MDFI: variants seen among roughly 807,000 people sequenced by gnomAD.
MDFI encodes MyoD family inhibitor, also known as inhibitor of MyoD family a.
In MDFI, 16 loss-of-function variants were observed where a neutral mutation model predicts 22.3. The observed-to-expected ratio is 0.72, with a 90% CI of 0.49 to 1.09. MDFI has a LOEUF of 1.09. Ranked by LOEUF, MDFI falls within the 50% of genes least tolerant of loss-of-function variation. MDFI has a pLI of 0.00. For synonymous variants in MDFI, 145 were observed against 142.7 expected, an observed-to-expected ratio of 1.02 and a Z score of -0.12; for missense variants, 314 against 326.1, an observed-to-expected ratio of 0.96 and a Z score of 0.29.
chr6:41,646,084 G>A (rs1581835545), intron 2 of MDFI, 42 bp from the exon 3 acceptor site: 1 of 1,413,558 alleles, frequency 7.1e-7, no homozygotes, highest in East Asian at 2.7e-5. Context: ...CAAACAGGAA[G>A]GCCCCAGGAA....
chr6:41,647,304 C>T (rs569160088), intron 3 of MDFI, among the ~76,000 whole-genome samples: 1 of 152,338 alleles, frequency 6.6e-6, no homozygotes. Flanking sequence ...GCCCCCACGG[C>T]CATGGCCACA....
intron 2 of MDFI, among the ~76,000 whole-genome samples, chr6:41,640,088 T>G (rs1767794908): frequency 6.6e-6 from 1 of 152,218 alleles, no homozygotes; most frequent in Non-Finnish European, 1.5e-5. Context: ...CAACGGGGCC[T>G]TCTGCAGGAT....
intron 3 of MDFI, among the ~76,000 whole-genome samples, chr6:41,648,741 C>T (rs1035153717): frequency 3.3e-5 from 5 of 152,194 alleles, no homozygotes; most frequent in Admixed American, 2.6e-4. Flanking sequence ...CCCCACCATA[C>T]ACACCTCCCC....
chr6:41,647,603 G>A (rs1196488918), intron 3 of MDFI, among the ~76,000 whole-genome samples: 9 of 88,692 alleles, frequency 1.0e-4, no homozygotes, highest in South Asian at 3.3e-4. Flanking sequence ...ACCCTCCCCC[G>A]ATCCCCCACC....
At chr6:41,652,210 C>T (rs777207643) in intron 4 of MDFI, among the ~76,000 whole-genome samples, 3 of 152,200 alleles carry the variant, frequency 2.0e-5, no homozygotes, top group Non-Finnish European at 2.9e-5. Context: ...CAGCCAAGCA[C>T]GTGCCTGTGG....
In MDFI at chr6:41,638,682, G is replaced by T; in HGVS notation, c.-12+30G>T. 6.7e-7 allele frequency: 1 copy of T among 1,489,130 alleles called. No homozygotes were observed. The highest frequency in any genetic ancestry group is 1.2e-5 in the South Asian group (1 of 82,658). 92.2% of individuals were successfully genotyped at this position (1,489,130 alleles called of 1,614,324 possible). A position where few individuals can be genotyped will look rare whatever the true frequency, so the allele number is the denominator to read the frequency against. On this transcript the variant is annotated intron_variant, in intron 1 of 4. Transcript: ENST00000230321. The surrounding 1 kb of genome is among the most constrained non-coding windows in gnomAD (Gnocchi z 7.6). ...GTGGACGTGGGAGGCGCGCATCTGC[G>T]GGGGAATCGCCCCTTGCCCGCCTCC...
rs113580969 is a variant in MDFI at position 41,650,627 on chromosome 6, G to A, written c.484+784G>A. ...CTTGCTCTGTCGCCCAGGCTGGAGC[G>A]CAGTGGCGCAATCTTGGCTCACTGC... On this transcript the variant is annotated intron_variant, in intron 4 of 4. Transcript: ENST00000230321. Among the ~76,000 whole-genome samples, 19 of 145,634 alleles carry A rather than the reference G, an allele frequency of 1.3e-4. No individual in the cohort carries two copies. The East Asian group carries it at 1.7e-3, about 13-fold the overall frequency.
rs1272897350 is a variant in MDFI at position 41,649,803 on chromosome 6, C to G, written c.444C>G (p.Ser148Arg). Residue 148 changes from serine to arginine, a missense_variant, in exon 4 of 5, where the codon AGC becomes AGG. By Grantham distance (110) the Ser-to-Arg change is moderately radical. Transcript: ENST00000230321. ...SQGSKKSKSS[S>R]KSTTSQIPLQ... The stretch of plus-strand genomic sequence containing the variant: ...GCAGCAAGAAGAGTAAGAGCAGCAG[C>G]AAATCCACCACCTCCCAGATCCCCC... The G allele has an allele frequency of 3.7e-6, 6 of 1,614,040 alleles. No homozygotes were observed. Among genetic ancestry groups the G allele is most frequent in the South Asian group, 3.3e-5 (3 of 91,068 alleles).
At chr6:41,640,791 CCA>C (rs1352791691) in intron 2 of MDFI, among the ~76,000 whole-genome samples, 1 of 152,228 alleles carries the variant, frequency 6.6e-6, no homozygotes, top group Non-Finnish European at 1.5e-5. Context: ...GGCCAAGCCC[CCA>C]CACCCTTGGC....
chr6:41,649,271 A>G (rs1768169682), intron 3 of MDFI, among the ~76,000 whole-genome samples: 1 of 152,172 alleles, frequency 6.6e-6, no homozygotes, highest in Non-Finnish European at 1.5e-5. Flanking sequence ...CAGCACTGCC[A>G]CTGCCACCAC....
At chr6:41,643,154 G>A (rs1250657625) in intron 2 of MDFI, among the ~76,000 whole-genome samples, 3 of 152,074 alleles carry the variant, frequency 2.0e-5, no homozygotes, top group African/African-American at 4.8e-5. Context: ...ACACCACCCC[G>A]CAGCATGTGG....
chr6:41,648,900 G>A (rs1489473051), intron 3 of MDFI, among the ~76,000 whole-genome samples: 1 of 152,206 alleles, frequency 6.6e-6, no homozygotes, highest in African/African-American at 2.4e-5. Context: ...TGGTCCCTCA[G>A]CCTGCAATGG....
At position 41,653,673 on chromosome 6, in the gene MDFI, A is replaced by G; in HGVS notation, c.*98A>G. On this transcript the variant is annotated 3_prime_UTR_variant, in exon 5 of 5. Coordinates refer to ENST00000230321, the MANE Select transcript of MDFI (RefSeq NM_005586.4). This position sits in a 1 kb window ranked among gnomAD's most constrained non-coding sequence, Gnocchi z 4.2. ...CCAGGACTGTCACACAAGGCTTGAGAAGCCCCCTCTCCCTGGTCCTCTCCT... is the reference window on the plus strand; with the variant it reads ...CCAGGACTGTCACACAAGGCTTGAGGAGCCCCCTCTCCCTGGTCCTCTCCT... 2 of 1,477,886 alleles carry G rather than the reference A, an allele frequency of 1.4e-6. No homozygotes were observed. The highest frequency in any genetic ancestry group is 1.8e-6 in the Non-Finnish European group (2 of 1,090,686). The allele number at this position is 1,477,886 out of a possible 1,614,324, so 91.5% of individuals were successfully genotyped here.
In MDFI at chr6:41,653,763, T is replaced by A. The variant is rs1329482934; in HGVS notation, c.*188T>A. On this transcript the variant is annotated 3_prime_UTR_variant, in exon 5 of 5. Transcript: ENST00000230321. This position sits in a 1 kb window ranked among gnomAD's most constrained non-coding sequence, Gnocchi z 4.2. ...GTGGGGGGCACTCAGAGGGGCCACC[T>A]CCTCAGCCGTGGGTGGTGGGCCCAT... The A allele has an allele frequency of 1.4e-6, 1 of 692,732 alleles. No individual in the cohort carries two copies. The highest frequency in any genetic ancestry group is 2.4e-6 in the Non-Finnish European group (1 of 420,158). The allele number at this position is 692,732 out of a possible 1,614,324, so 42.9% of individuals were successfully genotyped here. A position where few individuals can be genotyped will look rare whatever the true frequency, so the allele number is the denominator to read the frequency against.
chr6:41,640,986 C>G (rs1158339762), intron 2 of MDFI, among the ~76,000 whole-genome samples: 1 of 152,272 alleles, frequency 6.6e-6, no homozygotes, highest in Non-Finnish European at 1.5e-5. Flanking sequence ...GACTAACTGG[C>G]CAGCTCAGGC....
intron 4 of MDFI, among the ~76,000 whole-genome samples, chr6:41,651,438 G>T (rs1768268926): frequency 7.2e-6 from 1 of 139,612 alleles, no homozygotes; most frequent in Admixed American, 7.0e-5. Flanking sequence ...GCTCCAGCCA[G>T]GAGAGCATGC....
At chr6:41,644,938 T>C (rs1301959755) in intron 2 of MDFI, among the ~76,000 whole-genome samples, 1 of 151,694 alleles carries the variant, frequency 6.6e-6, no homozygotes, top group Non-Finnish European at 1.5e-5. Context: ...TCACTCTGCC[T>C]CTCCCCGTGT....
chr6:41,645,011 G>A (rs188733354), intron 2 of MDFI, among the ~76,000 whole-genome samples: 11 of 151,482 alleles, frequency 7.3e-5, no homozygotes, highest in African/African-American at 1.7e-4. Flanking sequence ...CTCTCCCTGC[G>A]CTCTTTTGGC....
chr6:41,640,614 A>T (rs1194810503), intron 2 of MDFI, among the ~76,000 whole-genome samples: 1 of 152,174 alleles, frequency 6.6e-6, no homozygotes, highest in Non-Finnish European at 1.5e-5. Flanking sequence ...TGAGACCAGA[A>T]TCCCCCACGC....
Sources: gnomAD v4.1 joint callset for allele counts (sites outside exome capture counted in the v4.1 genomes callset) on GRCh38, gnomAD v4.1.1 for gene constraint, Gnocchi (gnomAD v3.1) non-coding constraint, MANE v1.5 for transcripts, NCBI Gene and HGNC (gene_info 2026-07-23, HGNC 2026-07-21) for gene names.